The following SERPINB5 variants were observed in gnomAD, a reference collection of about 807,000 sequenced individuals.
SERPINB5 encodes serpin B5.
Under a neutral mutation model 32.2 loss-of-function variants are expected in SERPINB5, and 27 were observed. The observed-to-expected ratio is 0.84, with a 90% CI of 0.62 to 1.16. The LOEUF (loss-of-function observed/expected upper bound fraction) is 1.16. Ranked by LOEUF, SERPINB5 falls within the 50% of genes most tolerant of loss-of-function variation. The pLI, the probability that SERPINB5 is intolerant of heterozygous loss-of-function variation, is 0.00. For missense variants in SERPINB5, 388 were observed against 436.3 expected (o/e 0.89, Z 0.99); for synonymous variants, 154 against 157.4 (o/e 0.98, Z 0.16).
intron 3 of SERPINB5, 83 bp from the exon 4 acceptor site, chr18:63,489,264 T>C (rs1917261053): frequency 1.3e-6 from 1 of 772,304 alleles, no homozygotes; most frequent in East Asian, 2.6e-5. Context: ...GCAGTTGATA[T>C]TTAATAATCC....
In SERPINB5 at chr18:63,503,407, C is replaced by T; in HGVS notation, c.813C>T (p.Leu271=). Residue 271 remains leucine, a synonymous_variant, in exon 7 of 7, where the codon CTC becomes CTT. Coordinates refer to ENST00000382771, the MANE Select transcript of SERPINB5 (RefSeq NM_002639.5). The stretch of plus-strand genomic sequence containing the variant: ...CCATGGCCAATGCCAAGGTCAAACT[C>T]TCCATTCCAAAATTTAAGGTGGAAA... ...PSTMANAKVK[L]SIPKFKVEKM... 3 of 1,614,248 alleles carry T rather than the reference C, an allele frequency of 1.9e-6. No homozygotes were observed. Among genetic ancestry groups the T allele is most frequent in the Non-Finnish European group, 2.5e-6 (3 of 1,180,040 alleles).
At chr18:63,481,026 T>C (rs1049848798) in intron 1 of SERPINB5, among the ~76,000 whole-genome samples, 1 of 152,166 alleles carries the variant, frequency 6.6e-6, no homozygotes, top group African/African-American at 2.4e-5. Flanking sequence ...AGGGACTCAC[T>C]CAAAGGGAAG....
At chr18:63,494,543 A>G (rs1909409443) in intron 5 of SERPINB5, among the ~76,000 whole-genome samples, 1 of 152,150 alleles carries the variant, frequency 6.6e-6, no homozygotes, top group African/African-American at 2.4e-5. Context: ...TGTAGCTCCT[A>G]CGCGTCAGTT....
chr18:63,495,040 G>C (rs1909419844), intron 5 of SERPINB5, among the ~76,000 whole-genome samples: 1 of 152,224 alleles, frequency 6.6e-6, no homozygotes, highest in Non-Finnish European at 1.5e-5. Context: ...ACTGGGAGAA[G>C]ACAATGATGA....
At chr18:63,501,846 T>G (rs1568113069) in intron 6 of SERPINB5, among the ~76,000 whole-genome samples, 1 of 152,240 alleles carries the variant, frequency 6.6e-6, no homozygotes, top group Non-Finnish European at 1.5e-5. Context: ...TGTCTTCTTT[T>G]GAGAAGTGTC....
At chr18:63,493,310 T>G (rs1051123216) in intron 5 of SERPINB5, 2 of 623,492 alleles carry the variant, frequency 3.2e-6, no homozygotes, top group Non-Finnish European at 5.6e-6. Context: ...TTCAAGGATC[T>G]GAGCTGAGTG....
intron 4 of SERPINB5, among the ~76,000 whole-genome samples, 162 bp from the exon 5 acceptor site, chr18:63,492,788 TAGA>T (rs554775624): frequency 6.4e-4 from 98 of 152,304 alleles, no homozygotes; most frequent in African/African-American, 2.2e-3. Flanking sequence ...TGTGTCAAGG[TAGA>T]AGGAGAGAAA....
chr18:63,500,922 A>G (rs1909558680), intron 6 of SERPINB5, among the ~76,000 whole-genome samples: 1 of 150,950 alleles, frequency 6.6e-6, no homozygotes, highest in African/African-American at 2.4e-5. Context: ...TTTCCATTTT[A>G]TGCTTTGATC....
intron 5 of SERPINB5, among the ~76,000 whole-genome samples, chr18:63,497,570 A>C (rs1032441033): frequency 6.6e-6 from 1 of 152,002 alleles, no homozygotes; most frequent in Admixed American, 6.6e-5. Context: ...AAAAAGACTT[A>C]GAGATAATTT....
intron 2 of SERPINB5, 120 bp from the exon 3 acceptor site, chr18:63,486,826 A>T: frequency 1.0e-6 from 1 of 989,844 alleles, no homozygotes; most frequent in Non-Finnish European, 1.5e-6. Context: ...GCCTTACTTT[A>T]CGGGAACTAG....
rs373979306 is a variant in SERPINB5 at position 63,487,089 on chromosome 18, T to C, written c.306+6T>C. 5 of 1,612,900 alleles carry C rather than the reference T, an allele frequency of 3.1e-6. No individual in the cohort carries two copies. In the African/African-American group the frequency reaches 6.7e-5, roughly 22 times the overall value. On this transcript the variant is annotated splice_donor_region_variant and intron_variant, in intron 3 of 6. Transcript: ENST00000382771. ...AATCTCTGAATCTTTCTACAGTAAG[T>C]TGTTTAAAGCAAGTAGCAAGACTTA...
chr18:63,503,602 G>T lies in SERPINB5; in HGVS notation c.1008G>T (p.Val336=). 1 of 1,614,232 alleles carries T rather than the reference G, an allele frequency of 6.2e-7. No individual in the cohort carries two copies. Residue 336 remains valine (V), a synonymous_variant, in exon 7 of 7, where the codon GTG becomes GTT. Transcript: ENST00000382771. ...AAGATGGTGGGGATTCCATAGAGGTGCCAGGAGCACGGATCCTGCAGCACA... is the reference window on the plus strand; with the variant it reads ...AAGATGGTGGGGATTCCATAGAGGTTCCAGGAGCACGGATCCTGCAGCACA... ...ITEDGGDSIE[V]PGARILQHKD...
chr18:63,503,946 T>C lies in SERPINB5; in HGVS notation c.*224T>C. ...TTCCCATAAGACAATGACATACGCT[T>C]TTAATGAAAAGGAATCACGTTAGAG... On this transcript the variant is annotated 3_prime_UTR_variant, in exon 7 of 7. Coordinates refer to ENST00000382771, the MANE Select transcript of SERPINB5 (RefSeq NM_002639.5). The C allele has an allele frequency of 1.9e-6, 1 of 528,126 alleles. No individual in the cohort carries two copies. Among genetic ancestry groups the C allele is most frequent in the Non-Finnish European group, 3.3e-6 (1 of 303,554 alleles). The allele number at this position is 528,126 out of a possible 1,614,324, so 32.7% of individuals were successfully genotyped here. A position where few individuals can be genotyped will look rare whatever the true frequency, so the allele number is the denominator to read the frequency against.
At chr18:63,500,752 T>A (rs1909554006) in intron 6 of SERPINB5, among the ~76,000 whole-genome samples, 1 of 152,164 alleles carries the variant, frequency 6.6e-6, no homozygotes, top group African/African-American at 2.4e-5. Context: ...ACTTGCTATA[T>A]ATCCACATGG....
At chr18:63,488,184 T>C (rs550965903) in intron 3 of SERPINB5, among the ~76,000 whole-genome samples, 1 of 152,324 alleles carries the variant, frequency 6.6e-6, no homozygotes, top group African/African-American at 2.4e-5. Flanking sequence ...CAGGTGAGAT[T>C]GGTTCTGTCA....
Position 63,484,503 on chromosome 18 carries a change from G to A in SERPINB5, c.75G>A (p.Leu25=). ...LFKQLCEKEP[L]GNVLFSPICL... is the part of the protein sequence containing the mutation. ...AACAACTATGTGAAAAGGAGCCACT[G>A]GGCAATGTCCTCTTCTCTCCAATCT... The change falls in exon 2 of 7, where the codon CTG becomes CTA. Residue 25 remains leucine, a synonymous_variant. Coordinates refer to ENST00000382771, the MANE Select transcript of SERPINB5 (RefSeq NM_002639.5). 6.2e-7 allele frequency: 1 copy of A among 1,614,154 alleles called. No homozygotes were observed. Among genetic ancestry groups the A allele is most frequent in the Non-Finnish European group, 8.5e-7 (1 of 1,180,024 alleles).
intron 1 of SERPINB5, among the ~76,000 whole-genome samples, chr18:63,478,227 G>A (rs6567354): frequency 0.1 from 15,949 of 152,158 alleles, 1,874 homozygotes; most frequent in African/African-American, 0.28. Flanking sequence ...TTGACTTTGG[G>A]GCTATGCAGT....
chr18:63,496,980 A>C, intron 5 of SERPINB5: 1 of 496,532 alleles, frequency 2.0e-6, no homozygotes, highest in South Asian at 1.6e-5. Context: ...AAGTTGGGAG[A>C]CTGAGAAAAT....
intron 5 of SERPINB5, 54 bp downstream of exon 5, chr18:63,493,149 T>C: frequency 6.2e-7 from 1 of 1,611,258 alleles, no homozygotes. Context: ...ATGTGAAAAA[T>C]GATAGGGACA....
Sources: gnomAD v4.1 joint callset for allele counts (sites outside exome capture counted in the v4.1 genomes callset) on GRCh38, gnomAD v4.1.1 for gene constraint, MANE v1.5 for transcripts, NCBI Gene and HGNC (gene_info 2026-07-23, HGNC 2026-07-21) for gene names.